Variants in MBD5 observed in about 807,000 individuals in gnomAD.
MBD5 encodes the protein methyl-CpG-binding domain protein 5.
MBD5 carries 13 observed loss-of-function variants against 117.3 expected under a neutral mutation model. That is an observed-to-expected ratio of 0.11 (90% CI 0.07 to 0.18). MBD5 has a LOEUF of 0.18. Among genes scored for constraint, MBD5 ranks in the 10% least tolerant of loss-of-function variants. MBD5 has a pLI of 1.00. For missense variants in MBD5, 1,879 were observed against 2,093.8 expected (o/e 0.90, Z 2.00); for synonymous variants, 727 against 766.4 (o/e 0.95, Z 0.85).
intron 4 of MBD5, among the ~76,000 whole-genome samples, chr2:148,447,055 GAGAA>G (rs367787920): frequency 0.017 from 2,540 of 146,616 alleles, 36 homozygotes; most frequent in Non-Finnish European, 0.024. Context: ...GGTGGAAAGA[GAGAA>G]AGAAAGAAAG....
chr2:148,253,986 T>A (rs937827988), intron 3 of MBD5, among the ~76,000 whole-genome samples: 1 of 152,148 alleles, frequency 6.6e-6, no homozygotes, highest in Admixed American at 6.5e-5. Flanking sequence ...TCCCTTACTT[T>A]CCACGCTCTA....
intron 4 of MBD5, among the ~76,000 whole-genome samples, chr2:148,437,157 A>G (rs539085279): frequency 1.3e-5 from 2 of 151,022 alleles, no homozygotes; most frequent in South Asian, 4.2e-4. Flanking sequence ...AATTTTTTGT[A>G]TTTTTAGTAG....
At chr2:148,442,157 G>A (rs1017345513) in intron 4 of MBD5, among the ~76,000 whole-genome samples, 18 of 151,380 alleles carry the variant, frequency 1.2e-4, no homozygotes, top group Admixed American at 1.1e-3. Flanking sequence ...TGCTTTTGGT[G>A]TTTTAGACCT....
chr2:148,063,886 A>G (rs904068022), intron 1 of MBD5, among the ~76,000 whole-genome samples: 1 of 152,082 alleles, frequency 6.6e-6, no homozygotes, highest in Admixed American at 6.5e-5. Context: ...TTTTTAGTCC[A>G]GTAATCACGT....
At chr2:148,023,087 C>CTT (rs74710713) in intron 1 of MBD5, among the ~76,000 whole-genome samples, 2 of 142,074 alleles carry the variant, frequency 1.4e-5, no homozygotes, top group Non-Finnish European at 1.5e-5. Context: ...CCCTCACACC[C>CTT]TTTTTTTTTT....
intron 3 of MBD5, among the ~76,000 whole-genome samples, chr2:148,322,678 T>G (rs935633339): frequency 6.6e-6 from 1 of 152,170 alleles, no homozygotes; most frequent in African/African-American, 2.4e-5. Flanking sequence ...TTTACGGAAT[T>G]GCTTTTGTTC....
At chr2:148,266,020 A>T (rs950032923) in intron 3 of MBD5, among the ~76,000 whole-genome samples, 1 of 152,102 alleles carries the variant, frequency 6.6e-6, no homozygotes, top group Non-Finnish European at 1.5e-5. Flanking sequence ...GAGAGAGAGA[A>T]GTGTTTCAAG....
intron 11 of MBD5, among the ~76,000 whole-genome samples, chr2:148,496,830 C>T (rs935543576): frequency 3.3e-5 from 5 of 152,050 alleles, no homozygotes; most frequent in African/African-American, 1.2e-4. Context: ...TTGGTTAGTT[C>T]ATTTGAAAAA....
chr2:148,385,731 C>G (rs539089340), intron 4 of MBD5, among the ~76,000 whole-genome samples: 17 of 151,162 alleles, frequency 1.1e-4, no homozygotes, highest in Non-Finnish European at 1.0e-4. Context: ...CAATGATAGA[C>G]TGGATTAAGA....
chr2:148,313,137 C>T (rs894949588), intron 3 of MBD5, among the ~76,000 whole-genome samples: 1 of 152,080 alleles, frequency 6.6e-6, no homozygotes, highest in Non-Finnish European at 1.5e-5. Flanking sequence ...GATCAGGGAC[C>T]CATTTGAGGA....
intron 2 of MBD5, chr2:148,219,956 C>T (rs928896293): frequency 2.6e-5 from 4 of 151,950 alleles, no homozygotes; most frequent in African/African-American, 7.3e-5. Context: ...GATAATGAAT[C>T]GAGCCAAAAT....
In MBD5 at chr2:148,474,540, A is replaced by C. The variant is rs116059693; in HGVS notation, c.2518+4079A>C. On this transcript the variant is annotated intron_variant, in intron 8 of 13. Transcript: ENST00000642680. ...TTCTCTTATTTTTTCCTAAAAAAAAACCAAAACATTTAATCAGCTCTTTTA... is the reference window on the plus strand; with the variant it reads ...TTCTCTTATTTTTTCCTAAAAAAAACCCAAAACATTTAATCAGCTCTTTTA... Among the ~76,000 whole-genome samples the C allele has an allele frequency of 8.1e-3, 1,236 of 152,284 alleles. 16 individuals carry two copies. The highest frequency in any genetic ancestry group is 0.027 in the African/African-American group (1,118 of 41,572).
At chr2:148,359,314 A>G (rs762588805) in intron 4 of MBD5, among the ~76,000 whole-genome samples, 1 of 152,058 alleles carries the variant, frequency 6.6e-6, no homozygotes, top group African/African-American at 2.4e-5. Flanking sequence ...GTTAACAGCA[A>G]TAAGGATCAA....
At chr2:148,373,401 G>A (rs976077293) in intron 4 of MBD5, among the ~76,000 whole-genome samples, 1 of 152,058 alleles carries the variant, frequency 6.6e-6, no homozygotes, top group Non-Finnish European at 1.5e-5. Flanking sequence ...GAACCTTGCT[G>A]ATTTGGATTA....
chr2:148,386,255 C>A (rs973525299), intron 4 of MBD5, among the ~76,000 whole-genome samples: 1 of 152,000 alleles, frequency 6.6e-6, no homozygotes, highest in South Asian at 2.1e-4. Flanking sequence ...AACATACATT[C>A]AGCCAATGGG....
At chr2:148,413,321 T>G (rs1476583927) in intron 4 of MBD5, among the ~76,000 whole-genome samples, 1 of 152,148 alleles carries the variant, frequency 6.6e-6, no homozygotes, top group East Asian at 1.9e-4. Flanking sequence ...ACTTAATTTA[T>G]CATGGTGGAT....
chr2:148,184,739 A>G (rs1339292466), intron 2 of MBD5, among the ~76,000 whole-genome samples: 1 of 152,170 alleles, frequency 6.6e-6, no homozygotes, highest in African/African-American at 2.4e-5. Context: ...CTCTGGGGAT[A>G]TTGGCTACTA....
Position 148,284,780 on chromosome 2 carries a change from A to T in MBD5, c.-680+51385A>T, listed in dbSNP as rs192150615. Among the ~76,000 whole-genome samples, 5 of 152,070 alleles carry T rather than the reference A, an allele frequency of 3.3e-5. No individual in the cohort carries two copies. The East Asian group carries it at 9.6e-4, about 29-fold the overall frequency. On this transcript the variant is annotated intron_variant, in intron 3 of 13. Coordinates refer to ENST00000642680, the MANE Select transcript of MBD5 (RefSeq NM_001378120.1). The stretch of plus-strand genomic sequence containing the variant: ...AAAATGACTTTTTCTTTCTTTTGAT[A>T]TACTGTTCTATCAATTTTAATATAT...
chr2:148,208,761 C>T (rs956814831), intron 2 of MBD5, among the ~76,000 whole-genome samples: 3 of 151,800 alleles, frequency 2.0e-5, no homozygotes, highest in Non-Finnish European at 2.9e-5. Context: ...TCTTCATTCC[C>T]CAGCTTTTCT....
Sources: gnomAD v4.1 joint callset for allele counts (sites outside exome capture counted in the v4.1 genomes callset) on GRCh38, gnomAD v4.1.1 for gene constraint, MANE v1.5 for transcripts, NCBI Gene and HGNC (gene_info 2026-07-23, HGNC 2026-07-21) for gene names.